The following BLOC1S6 variants were observed in gnomAD, a reference collection of about 807,000 sequenced individuals.
BLOC1S6 encodes biogenesis of lysosomal organelles complex 1 subunit 6, also known as biogenesis of lysosome-related organelles complex 1 subunit 6.
BLOC1S6 carries 24 observed loss-of-function variants against 24.7 expected under a neutral mutation model. The observed-to-expected ratio is 0.97, with a 90% CI of 0.70 to 1.37. The LOEUF (loss-of-function observed/expected upper bound fraction) is 1.37, where lower values mean the gene tolerates loss of function less well. Among genes scored for constraint, BLOC1S6 ranks in the 40% most tolerant of loss-of-function variants. The pLI, the probability that BLOC1S6 is intolerant of heterozygous loss-of-function variation, is 0.00. For synonymous variants in BLOC1S6, 76 were observed against 72.6 expected, an observed-to-expected ratio of 1.05 and a Z score of -0.23; for missense variants, 175 against 196.2, an observed-to-expected ratio of 0.89 and a Z score of 0.64.
rs1384997265 is a variant in BLOC1S6 at position 45,608,943 on chromosome 15, T to C, written c.*2429T>C. ...CAGGCAATAGATATAGAATTCTGGTTAGCTAATTGAACTTTTGTGACCTGT... is the reference window on the plus strand; with the variant it reads ...CAGGCAATAGATATAGAATTCTGGTCAGCTAATTGAACTTTTGTGACCTGT... On this transcript the variant is annotated 3_prime_UTR_variant, in exon 5 of 5. Transcript: ENST00000220531. 6.6e-6 allele frequency: 1 copy of C among 152,216 alleles called. No homozygotes were observed. The highest frequency in any genetic ancestry group is 2.4e-5 in the African/African-American group (1 of 41,452). The allele number at this position is 152,216 out of a possible 1,614,324, so 9.4% of individuals were successfully genotyped here.
Position 45,609,462 on chromosome 15 carries a change from C to A in BLOC1S6, c.*2948C>A, listed in dbSNP as rs555638363. 4.4e-4 allele frequency: 67 copies of A among 152,164 alleles called. No individual in the cohort carries two copies. Among genetic ancestry groups the A allele is most frequent in the African/African-American group, 1.6e-3 (67 of 41,538 alleles). The allele number at this position is 152,164 out of a possible 1,614,324, so 9.4% of individuals were successfully genotyped here. On this transcript the variant is annotated 3_prime_UTR_variant, in exon 5 of 5. Transcript: ENST00000220531. ...TTCTGTTCTTTGTTGAAAAAAATTG[C>A]CTTTGTTTTGAAATTATATCACCTG...
At chr15:45,601,298 T>G (rs1566903381) in intron 2 of BLOC1S6, 1 of 154,420 alleles carries the variant, frequency 6.5e-6, no homozygotes, top group Non-Finnish European at 1.5e-5. Context: ...AAAGGAGGAC[T>G]GACATATTTT....
At chr15:45,600,420 C>G (rs1446339351) in intron 2 of BLOC1S6, among the ~76,000 whole-genome samples, 1 of 152,058 alleles carries the variant, frequency 6.6e-6, no homozygotes. Flanking sequence ...GTTTCTCACC[C>G]TAAATGTTAG....
At chr15:45,600,789 G>A (rs1027922466) in intron 2 of BLOC1S6, among the ~76,000 whole-genome samples, 4 of 152,136 alleles carry the variant, frequency 2.6e-5, no homozygotes, top group African/African-American at 7.2e-5. Context: ...TCTTTATCTG[G>A]TTTGGCTTTA....
intron 2 of BLOC1S6, 73 bp downstream of exon 2, chr15:45,592,349 G>A (rs1051344663): frequency 6.5e-7 from 1 of 1,537,912 alleles, no homozygotes; most frequent in African/African-American, 1.4e-5. Flanking sequence ...ATTGTATACT[G>A]TGTTAAGACA....
intron 4 of BLOC1S6, chr15:45,605,815 C>T (rs1894434757): frequency 8.9e-6 from 3 of 338,326 alleles, no homozygotes; most frequent in Non-Finnish European, 1.7e-5. Flanking sequence ...GTCTCAAACT[C>T]CTGACCTCAG....
At chr15:45,597,807 A>ATGTCC (rs1894131651) in intron 2 of BLOC1S6, 1 of 241,348 alleles carries the variant, frequency 4.1e-6, no homozygotes, top group Non-Finnish European at 8.8e-6. Context: ...ATCATCTGGG[A>ATGTCC]ACAAAGACAG....
chr15:45,587,637 G>T (rs1426834134), intron 1 of BLOC1S6, 112 bp downstream of exon 1: 1 of 1,066,306 alleles, frequency 9.4e-7, no homozygotes, highest in Non-Finnish European at 1.4e-6. Flanking sequence ...TGGCGGCTGC[G>T]GCCCCCGGGC....
intron 2 of BLOC1S6, among the ~76,000 whole-genome samples, chr15:45,595,788 T>A (rs1894051503): frequency 6.6e-6 from 1 of 152,204 alleles, no homozygotes; most frequent in East Asian, 1.9e-4. Context: ...CATTTAGACC[T>A]ATGATTTATT....
rs920786343 is a variant in BLOC1S6, at chr15:45,608,136, A to T, written c.*1622A>T. On this transcript the variant is annotated 3_prime_UTR_variant, in exon 5 of 5. Coordinates refer to ENST00000220531, the MANE Select transcript of BLOC1S6 (RefSeq NM_012388.4). ...TGGTAAGATGGAATCACTACCTCTG[A>T]TCACATATCAGGCTAACGATAGAGA... 3.3e-5 allele frequency: 5 copies of T among 152,668 alleles called. No individual in the cohort carries two copies. Among genetic ancestry groups the T allele is most frequent in the Admixed American group, 3.3e-4 (5 of 15,286 alleles). 9.5% of individuals were successfully genotyped at this position (152,668 alleles called of 1,614,324 possible).
chr15:45,588,406 A>G (rs538910120), intron 1 of BLOC1S6, among the ~76,000 whole-genome samples: 49 of 152,364 alleles, frequency 3.2e-4, no homozygotes, highest in African/African-American at 1.1e-3. Context: ...CACGTAAGGC[A>G]TGTACATAAA....
intron 2 of BLOC1S6, among the ~76,000 whole-genome samples, chr15:45,601,746 C>G (rs1894277392): frequency 6.6e-6 from 1 of 151,712 alleles, no homozygotes; most frequent in Non-Finnish European, 1.5e-5. Context: ...CTATTGTTTT[C>G]TAGTTCTAAC....
At chr15:45,587,696 C>T (rs1893732632) in intron 1 of BLOC1S6, 171 bp downstream of exon 1, 1 of 735,002 alleles carries the variant, frequency 1.4e-6, no homozygotes, top group Non-Finnish European at 2.4e-6. Flanking sequence ...CTCTGCCCAG[C>T]GCAATGGGCG....
chr15:45,600,836 C>T (rs993688746), intron 2 of BLOC1S6, among the ~76,000 whole-genome samples: 16 of 152,102 alleles, frequency 1.1e-4, no homozygotes, highest in African/African-American at 3.6e-4. Context: ...TTGGGAGGTG[C>T]TCCTTTTGCT....
In BLOC1S6 at chr15:45,606,594, T is replaced by C; in HGVS notation, c.*80T>C. The C allele has an allele frequency of 6.3e-7, 1 of 1,581,182 alleles. No homozygotes were observed. Among genetic ancestry groups the C allele is most frequent in the Non-Finnish European group, 8.7e-7 (1 of 1,150,708 alleles). ...CAAGTGTAGACTGAAGTTGAGGTAG[T>C]GCCTTATGCCATTATGTCATATGTT... On this transcript the variant is annotated 3_prime_UTR_variant, in exon 5 of 5. Coordinates refer to ENST00000220531, the MANE Select transcript of BLOC1S6 (RefSeq NM_012388.4).
intron 1 of BLOC1S6, among the ~76,000 whole-genome samples, chr15:45,589,016 T>A (rs565390276): frequency 1.3e-5 from 2 of 152,334 alleles, no homozygotes; most frequent in African/African-American, 2.4e-5. Context: ...AACAGTCTAC[T>A]TCTAAGAATT....
At chr15:45,601,854 C>T (rs1221525083) in intron 2 of BLOC1S6, among the ~76,000 whole-genome samples, 9 of 151,780 alleles carry the variant, frequency 5.9e-5, no homozygotes, top group Admixed American at 5.9e-4. Flanking sequence ...CTAGTCCAAG[C>T]TGGAGGGACA....
At chr15:45,605,646 A>G (rs895913330) in intron 4 of BLOC1S6, 132 bp downstream of exon 4, 30 of 703,586 alleles carry the variant, frequency 4.3e-5, no homozygotes, top group African/African-American at 1.7e-4. Flanking sequence ...CTGGAGTGCA[A>G]TGGTGCAATC....
intron 2 of BLOC1S6, among the ~76,000 whole-genome samples, chr15:45,597,015 T>A (rs1894101772): frequency 6.6e-6 from 1 of 152,208 alleles, no homozygotes; most frequent in Admixed American, 6.5e-5. Flanking sequence ...AATTGGGTAC[T>A]GTGAGTCTTC....
Sources: gnomAD v4.1 joint callset for allele counts (sites outside exome capture counted in the v4.1 genomes callset) on GRCh38, gnomAD v4.1.1 for gene constraint, MANE v1.5 for transcripts, NCBI Gene and HGNC (gene_info 2026-07-23, HGNC 2026-07-21) for gene names.